CDADC1: variants seen among roughly 807,000 people sequenced by gnomAD.
The protein encoded by CDADC1 is dCTP deaminase.
Under a neutral mutation model 54.9 loss-of-function variants are expected in CDADC1, and 39 were observed. The observed-to-expected ratio is 0.71, with a 90% CI of 0.55 to 0.93. The LOEUF (loss-of-function observed/expected upper bound fraction) is 0.93, where lower values mean the gene tolerates loss of function less well. CDADC1 is among the 40% of genes least tolerant of loss of function. The probability of loss-of-function intolerance (pLI) is 0.00; values close to 1 mark genes in which losing one functional copy is unlikely to be tolerated. For missense variants in CDADC1, 518 were observed against 618.8 expected (o/e 0.84, Z 1.73); for synonymous variants, 186 against 204.0 (o/e 0.91, Z 0.75).
chr13:49,289,120 C>CTTTTTTTT (rs66814830), intron 9 of CDADC1, among the ~76,000 whole-genome samples: 1 of 60,990 alleles, frequency 1.6e-5, no homozygotes, highest in Non-Finnish European at 2.8e-5. Flanking sequence ...TTTTTTTTTG[C>CTTTTTTTT]TTTTTTTTTT....
At chr13:49,268,975 T>C (rs1952896962) in intron 5 of CDADC1, among the ~76,000 whole-genome samples, 1 of 152,212 alleles carries the variant, frequency 6.6e-6, no homozygotes, top group African/African-American at 2.4e-5. Context: ...CATGGAACAA[T>C]ATTATCACAT....
chr13:49,278,053 A>G (rs1299205450), intron 6 of CDADC1, among the ~76,000 whole-genome samples: 2 of 152,212 alleles, frequency 1.3e-5, no homozygotes, highest in Non-Finnish European at 2.9e-5. Flanking sequence ...GGGAAGTAAT[A>G]TCTGAATCAA....
chr13:49,250,390 A>G lies in CDADC1; in HGVS notation c.177+1425A>G, dbSNP rs543617887. On this transcript the variant is annotated intron_variant, in intron 2 of 9. Coordinates refer to ENST00000251108, the MANE Select transcript of CDADC1 (RefSeq NM_030911.4). ...CACTAGGCATTTAAACAATTAAAAC[A>G]GAATTGGTGGAGTGAGTACATAGTA... Among the ~76,000 whole-genome samples the G allele has an allele frequency of 2.0e-5, 3 of 152,358 alleles. No homozygotes were observed. The South Asian group carries it at 6.2e-4, about 32-fold the overall frequency.
intron 2 of CDADC1, among the ~76,000 whole-genome samples, chr13:49,253,285 T>C (rs1952475257): frequency 6.6e-6 from 1 of 152,248 alleles, no homozygotes; most frequent in Non-Finnish European, 1.5e-5. Context: ...TTCCACCTCC[T>C]AGAGACTAAT....
At chr13:49,251,409 A>G (rs965674955) in intron 2 of CDADC1, among the ~76,000 whole-genome samples, 16 of 151,996 alleles carry the variant, frequency 1.1e-4, no homozygotes, top group African/African-American at 3.1e-4. Flanking sequence ...AGAAAAAAAA[A>G]AGAAAAAAAA....
intron 2 of CDADC1, 31 bp from the exon 3 acceptor site, chr13:49,255,808 C>A: frequency 6.3e-7 from 1 of 1,592,770 alleles, no homozygotes; most frequent in Non-Finnish European, 8.6e-7. Flanking sequence ...ATGTGCTAAT[C>A]TTTTTTTTTC....
intron 7 of CDADC1, among the ~76,000 whole-genome samples, chr13:49,279,298 C>G (rs1039923268): frequency 2.0e-5 from 3 of 152,124 alleles, no homozygotes; most frequent in Admixed American, 2.0e-4. Flanking sequence ...TGCGGACATT[C>G]TGGAGCTGCT....
chr13:49,263,887 A>T (rs1269447393), intron 4 of CDADC1, among the ~76,000 whole-genome samples: 3 of 152,242 alleles, frequency 2.0e-5, no homozygotes, highest in Non-Finnish European at 4.4e-5. Flanking sequence ...GACAAGAGCG[A>T]AGACCTGTTA....
intron 6 of CDADC1, among the ~76,000 whole-genome samples, chr13:49,275,793 A>T (rs906598085): frequency 1.4e-4 from 15 of 104,030 alleles, no homozygotes; most frequent in South Asian, 3.5e-4. Flanking sequence ...AGAGAGAGAG[A>T]GAGTCTCACT....
chr13:49,275,795 A>AGAGAGAGAGT lies in CDADC1; in HGVS notation c.1050+1456_1050+1457insAGAGAGAGTG, dbSNP rs1566370330. On this transcript the variant is annotated intron_variant, in intron 6 of 9. Transcript: ENST00000251108. Reference sequence around the variant, plus strand: ...GAGAGAGAGAGAGAGAGAGAGAGAGAGTCTCACTCTGTTGCCAGGCTGGAG... The same window carrying AGAGAGAGAGT: ...GAGAGAGAGAGAGAGAGAGAGAGAGAGAGAGAGAGTGTCTCACTCTGTTGCCAGGCTGGAG... 2.9e-5 allele frequency among the ~76,000 whole-genome samples: 3 copies of AGAGAGAGAGT among 104,510 alleles called. 1 individual carries two copies. The highest frequency in any genetic ancestry group is 1.0e-4 in the Admixed American group (1 of 9,610). 68.6% of individuals were successfully genotyped at this position (104,510 alleles called of 152,430 possible).
At chr13:49,267,328 G>A (rs999208602) in intron 4 of CDADC1, among the ~76,000 whole-genome samples, 162 bp from the exon 5 acceptor site, 3 of 152,082 alleles carry the variant, frequency 2.0e-5, no homozygotes, top group Non-Finnish European at 4.4e-5. Context: ...TGGCCTGTGG[G>A]TGGTAGTTTG....
intron 6 of CDADC1, among the ~76,000 whole-genome samples, chr13:49,277,706 TAAC>T (rs1391668827): frequency 6.6e-6 from 1 of 152,192 alleles, no homozygotes; most frequent in African/African-American, 2.4e-5. Context: ...GCATTCATAT[TAAC>T]TACTATTTCT....
At chr13:49,264,609 G>A (rs1470464975) in intron 4 of CDADC1, among the ~76,000 whole-genome samples, 2 of 148,128 alleles carry the variant, frequency 1.4e-5, no homozygotes, top group Non-Finnish European at 3.0e-5. Flanking sequence ...TGCAATCACA[G>A]CCAATCTGGA....
At chr13:49,275,720 TATATATAGAGAGAGAGAGAGAGAG>T (rs1566370024) in intron 6 of CDADC1, among the ~76,000 whole-genome samples, 12 of 26,144 alleles carry the variant, frequency 4.6e-4, no homozygotes, top group Admixed American at 1.2e-3. Flanking sequence ...TATATATATA[TATATATAGAGAGAGAGAGAGAGAG>T]AGAGAGAGAG....
chr13:49,250,937 A>G (rs779745624), intron 2 of CDADC1, among the ~76,000 whole-genome samples: 2 of 152,080 alleles, frequency 1.3e-5, no homozygotes, highest in Non-Finnish European at 2.9e-5. Context: ...CATTTCCTTC[A>G]TTAATTTTGA....
chr13:49,260,384 T>C (rs1446919356), intron 4 of CDADC1, among the ~76,000 whole-genome samples: 2 of 152,248 alleles, frequency 1.3e-5, no homozygotes, highest in African/African-American at 4.8e-5. Flanking sequence ...GTCTCATTGC[T>C]GTTGTCACCT....
chr13:49,277,133 C>A (rs1476590386), intron 6 of CDADC1, among the ~76,000 whole-genome samples: 1 of 150,924 alleles, frequency 6.6e-6, no homozygotes, highest in African/African-American at 2.4e-5. Flanking sequence ...AATAGTATCA[C>A]TCTTTAGGTT....
Position 49,292,786 on chromosome 13 carries a change from G to T in CDADC1, c.*1029G>T. 7.8e-7 allele frequency: 1 copy of T among 1,282,204 alleles called. No homozygotes were observed. Among genetic ancestry groups the T allele is most frequent in the Non-Finnish European group, 1.0e-6 (1 of 985,666 alleles). The allele number at this position is 1,282,204 out of a possible 1,614,324, so 79.4% of individuals were successfully genotyped here. A position where few individuals can be genotyped will look rare whatever the true frequency, so the allele number is the denominator to read the frequency against. ...TTTCTGTTCTCTCCTAGGTTAGAGA[G>T]GGGTGGCCTGGGGTGCTTCATGAGA... On this transcript the variant is annotated 3_prime_UTR_variant, in exon 10 of 10. Coordinates refer to ENST00000251108, the MANE Select transcript of CDADC1 (RefSeq NM_030911.4).
chr13:49,250,951 TC>T, intron 2 of CDADC1, among the ~76,000 whole-genome samples: 1 of 152,346 alleles, frequency 6.6e-6, no homozygotes, highest in Admixed American at 6.5e-5. Flanking sequence ...ATTTTGAAAT[TC>T]CTTTATTCCT....
Sources: allele counts gnomAD v4.1 joint callset (sites outside exome capture counted in the v4.1 genomes callset), GRCh38; gene constraint gnomAD v4.1.1; transcripts MANE v1.5; gene names NCBI Gene and HGNC (gene_info 2026-07-23, HGNC 2026-07-21).